Variants in ZMIZ1 observed in about 807,000 individuals in gnomAD.
ZMIZ1 encodes the protein zinc finger MIZ-type containing 1.
In ZMIZ1, 17 loss-of-function variants were observed where a neutral mutation model predicts 113.9. That is an observed-to-expected ratio of 0.15 (90% CI 0.10 to 0.22). ZMIZ1 has a LOEUF of 0.22. Ranked by LOEUF, ZMIZ1 falls within the 10% of genes least tolerant of loss-of-function variation. The pLI, the probability that ZMIZ1 is intolerant of heterozygous loss-of-function variation, is 1.00. For missense variants in ZMIZ1, 1,059 were observed against 1,477.8 expected, an observed-to-expected ratio of 0.72 and a Z score of 4.65; for synonymous variants, 607 against 603.1, an observed-to-expected ratio of 1.01 and a Z score of -0.09.
intron 1 of ZMIZ1, among the ~76,000 whole-genome samples, chr10:79,095,968 C>T (rs1430846723): frequency 6.6e-6 from 1 of 152,196 alleles, no homozygotes; most frequent in African/African-American, 2.4e-5. Context: ...GCAGGTGGGG[C>T]CACAGGCCTC....
intron 4 of ZMIZ1, among the ~76,000 whole-genome samples, chr10:79,197,995 C>T (rs540711286): frequency 1.3e-5 from 2 of 152,284 alleles, no homozygotes; most frequent in Middle Eastern, 3.4e-3. Flanking sequence ...TGTGGTGGCT[C>T]ACGCCTGTAA....
chr10:79,079,033 G>A (rs1167089584), intron 1 of ZMIZ1, among the ~76,000 whole-genome samples: 2 of 152,236 alleles, frequency 1.3e-5, no homozygotes, highest in African/African-American at 4.8e-5. Flanking sequence ...TGTCTGCAGA[G>A]GCAGAAGTCT....
At position 79,090,537 on chromosome 10, in the gene ZMIZ1, G is replaced by A. The variant is rs559724930; in HGVS notation, c.-337+21267G>A. Among the ~76,000 whole-genome samples, 5 of 152,262 alleles carry A rather than the reference G, an allele frequency of 3.3e-5. No individual in the cohort carries two copies. In the South Asian group the frequency reaches 6.2e-4, roughly 19 times the overall value. On this transcript the variant is annotated intron_variant, in intron 1 of 24. Coordinates refer to ENST00000334512, the MANE Select transcript of ZMIZ1 (RefSeq NM_020338.4). ...TCACCCTACTGGCATGTGGGATCCC[G>A]TTTATTTATTTCTCCAGAAATCTGT...
intron 7 of ZMIZ1, among the ~76,000 whole-genome samples, chr10:79,239,697 C>G (rs1849730892): frequency 6.6e-6 from 1 of 152,102 alleles, no homozygotes; most frequent in Non-Finnish European, 1.5e-5. Flanking sequence ...TCCCACTATG[C>G]AAAGCCTTAT....
chr10:79,301,995 C>A (rs958995894), intron 17 of ZMIZ1, 112 bp from the exon 18 acceptor site: 86 of 1,021,160 alleles, frequency 8.4e-5, no homozygotes, highest in Admixed American at 1.5e-4. Flanking sequence ...CCTGGGGGAG[C>A]CTCCTGGGCC....
At chr10:79,158,027 G>A (rs557348522) in intron 3 of ZMIZ1, among the ~76,000 whole-genome samples, 13 of 152,308 alleles carry the variant, frequency 8.5e-5, no homozygotes, top group Admixed American at 4.6e-4. Flanking sequence ...GGGGAGCGGC[G>A]GGTTGGACCA....
chr10:79,298,507 C>T lies in ZMIZ1; in HGVS notation c.1593C>T (p.Ser531=). Residue 531 remains serine, a synonymous_variant, in exon 15 of 25, where the codon TCC becomes TCT. Coordinates refer to ENST00000334512, the MANE Select transcript of ZMIZ1 (RefSeq NM_020338.4). ...GGAGCAGCATCCCTCCATACCTGTC[C>T]CCCAGCCAAGACGTCAAACCACCCT... ...TPGSSIPPYL[S]PSQDVKPPFP... 3 of 1,603,392 alleles carry T rather than the reference C, an allele frequency of 1.9e-6. No individual in the cohort carries two copies. Among genetic ancestry groups the T allele is most frequent in the Non-Finnish European group, 1.7e-6 (2 of 1,175,454 alleles).
At chr10:79,288,215 A>G (rs1276899026) in intron 8 of ZMIZ1, among the ~76,000 whole-genome samples, 1 of 152,212 alleles carries the variant, frequency 6.6e-6, no homozygotes, top group Non-Finnish European at 1.5e-5. Context: ...ACAGAGCACA[A>G]GACTTGGCTG....
intron 7 of ZMIZ1, among the ~76,000 whole-genome samples, chr10:79,266,658 G>A (rs1387677356): frequency 6.6e-6 from 1 of 152,144 alleles, no homozygotes; most frequent in African/African-American, 2.4e-5. Context: ...GGGCCCAGTA[G>A]TCACTGCCCC....
intron 3 of ZMIZ1, among the ~76,000 whole-genome samples, chr10:79,141,485 G>A (rs1845265162): frequency 6.6e-6 from 1 of 151,858 alleles, no homozygotes; most frequent in Non-Finnish European, 1.5e-5. Context: ...CTCTGTCACT[G>A]TAACCTCGAC....
intron 15 of ZMIZ1, 87 bp downstream of exon 15, chr10:79,298,667 G>A: frequency 7.8e-7 from 1 of 1,274,818 alleles, no homozygotes; most frequent in South Asian, 1.3e-5. Context: ...GGCTGCCTGG[G>A]GAGTGGGCAT....
intron 2 of ZMIZ1, among the ~76,000 whole-genome samples, chr10:79,135,155 T>C (rs1260158422): frequency 2.0e-5 from 3 of 152,222 alleles, no homozygotes; most frequent in Admixed American, 6.5e-5. Flanking sequence ...AGATGGAATA[T>C]GGACACGGCT....
chr10:79,082,095 G>T (rs1039267650), intron 1 of ZMIZ1, among the ~76,000 whole-genome samples: 3 of 152,246 alleles, frequency 2.0e-5, no homozygotes, highest in Non-Finnish European at 4.4e-5. Flanking sequence ...CACAGGAGAG[G>T]TGCCTCCATG....
chr10:79,297,787 G>T (rs1358449154), intron 14 of ZMIZ1, 97 bp downstream of exon 14: 15 of 1,077,724 alleles, frequency 1.4e-5, no homozygotes, highest in Non-Finnish European at 2.0e-5. Flanking sequence ...GACATTCAAA[G>T]GGGCCCATGG....
At chr10:79,226,501 C>T (rs944569531) in intron 7 of ZMIZ1, among the ~76,000 whole-genome samples, 4 of 152,246 alleles carry the variant, frequency 2.6e-5, no homozygotes, top group Non-Finnish European at 5.9e-5. Context: ...GATGCCATGG[C>T]TGCCCAAGGA....
chr10:79,242,539 G>GCCCTCCCCTCCCCTCCCCTC (rs543878844), intron 7 of ZMIZ1, among the ~76,000 whole-genome samples: 1 of 131,090 alleles, frequency 7.6e-6, no homozygotes, highest in Non-Finnish European at 1.7e-5. Context: ...GCCTAGCCCC[G>GCCCTCCCCTCCCCTCCCCTC]CCCTCCCCTC....
At chr10:79,155,499 C>T (rs1431331600) in intron 3 of ZMIZ1, among the ~76,000 whole-genome samples, 1 of 152,248 alleles carries the variant, frequency 6.6e-6, no homozygotes, top group Non-Finnish European at 1.5e-5. Context: ...CTGTTCAAGT[C>T]CAGCACCAAG....
rs2132879664 is a variant in ZMIZ1, at chr10:79,250,211, C to T, written c.281-26970C>T. Among the ~76,000 whole-genome samples, 2 of 152,346 alleles carry T rather than the reference C, an allele frequency of 1.3e-5. 1 individual carries two copies. Among genetic ancestry groups the T allele is most frequent in the South Asian group, 4.1e-4 (2 of 4,822 alleles). ...GTTCCTGAGCCCGAGACTGGGTTCT[C>T]TCCACCCAGCTCCACCACCAGCCCC... On this transcript the variant is annotated intron_variant, in intron 7 of 24. Coordinates refer to ENST00000334512, the MANE Select transcript of ZMIZ1 (RefSeq NM_020338.4).
At chr10:79,125,971 G>A (rs578137911) in intron 2 of ZMIZ1, among the ~76,000 whole-genome samples, 3 of 152,234 alleles carry the variant, frequency 2.0e-5, no homozygotes, top group Admixed American at 6.5e-5. Flanking sequence ...CCTTCTATCT[G>A]CAGAAAGGCA....
Sources: gnomAD v4.1 joint callset for allele counts (sites outside exome capture counted in the v4.1 genomes callset) on GRCh38, gnomAD v4.1.1 for gene constraint, MANE v1.5 for transcripts, NCBI Gene and HGNC (gene_info 2026-07-23, HGNC 2026-07-21) for gene names.